Variants in MRAP2 observed in about 807,000 individuals in gnomAD.
The protein encoded by MRAP2 is melanocortin 2 receptor accessory protein 2, also known as melanocortin-2 receptor accessory protein 2.
In MRAP2, 20 loss-of-function variants were observed where a neutral mutation model predicts 17.4. The observed-to-expected ratio is 1.15, with a 90% CI of 0.81 to 1.67. The LOEUF is 1.67. Ranked by LOEUF, MRAP2 falls within the 40% of genes most tolerant of loss-of-function variation. The pLI, the probability that MRAP2 is intolerant of heterozygous loss-of-function variation, is 0.00. For missense variants in MRAP2, 238 were observed against 240.0 expected (o/e 0.99, Z 0.05); for synonymous variants, 96 against 88.4 (o/e 1.09, Z -0.48).
At chr6:84,052,283 G>A (rs960847955) in intron 1 of MRAP2, among the ~76,000 whole-genome samples, 3 of 152,176 alleles carry the variant, frequency 2.0e-5, no homozygotes, top group Non-Finnish European at 4.4e-5. Context: ...CTGCCGGCCT[G>A]TCAGCACCCC....
intron 1 of MRAP2, chr6:84,052,793 T>C: frequency 1.0e-6 from 1 of 985,238 alleles, no homozygotes; most frequent in South Asian, 4.7e-5. Context: ...CTGGCTCTGG[T>C]ATTCACTCAT....
chr6:84,134,024 C>A, the MRAP2 span, among the ~76,000 whole-genome samples: 1 of 152,174 alleles, frequency 6.6e-6, no homozygotes, highest in East Asian at 1.9e-4. Context: ...AAGACCCTGA[C>A]TGGGGCTGCT....
At chr6:84,113,864 G>T in the MRAP2 span, among the ~76,000 whole-genome samples, 1 of 152,202 alleles carries the variant, frequency 6.6e-6, no homozygotes, top group African/African-American at 2.4e-5. Flanking sequence ...GGCTAGAAAT[G>T]AAATTCTGGC....
the MRAP2 span, among the ~76,000 whole-genome samples, chr6:84,111,116 T>C: frequency 6.6e-6 from 1 of 152,124 alleles, no homozygotes; most frequent in Non-Finnish European, 1.5e-5. Flanking sequence ...AAATTTAAAG[T>C]ATTTTTTTTT....
intron 1 of MRAP2, among the ~76,000 whole-genome samples, chr6:84,041,765 C>T (rs1406225437): frequency 1.3e-5 from 2 of 152,242 alleles, no homozygotes; most frequent in Non-Finnish European, 2.9e-5. Context: ...TGTATTTACC[C>T]AATGCCTGTA....
the MRAP2 span, among the ~76,000 whole-genome samples, chr6:84,116,349 CTGA>C: frequency 6.6e-6 from 1 of 152,114 alleles, no homozygotes; most frequent in Non-Finnish European, 1.5e-5. Context: ...CTCATGAGAT[CTGA>C]TGGTTTTATA....
At chr6:84,125,161 T>G in the MRAP2 span, 1 of 1,613,614 alleles carries the variant, frequency 6.2e-7, no homozygotes, top group Non-Finnish European at 8.5e-7. Context: ...TAATATTGAG[T>G]CTAGTTCTGT....
intron 3 of MRAP2, among the ~76,000 whole-genome samples, chr6:84,087,282 G>A (rs570084289): frequency 6.6e-6 from 1 of 152,148 alleles, no homozygotes; most frequent in Admixed American, 6.5e-5. Context: ...CTTCCAGGTC[G>A]TAAGTAGATA....
At chr6:84,071,071 A>G (rs2099496082) in intron 3 of MRAP2, among the ~76,000 whole-genome samples, 1 of 151,852 alleles carries the variant, frequency 6.6e-6, no homozygotes, top group Non-Finnish European at 1.5e-5. Flanking sequence ...ATTCAATGTT[A>G]GTATTGGATA....
chr6:84,057,405 T>C (rs17729906), intron 2 of MRAP2, among the ~76,000 whole-genome samples: 23,090 of 152,234 alleles, frequency 0.15, 1,999 homozygotes, highest in Middle Eastern at 0.3. Context: ...TGGATCACAC[T>C]TGGCAACAAT....
the MRAP2 span, among the ~76,000 whole-genome samples, chr6:84,137,011 T>C: frequency 5.9e-5 from 9 of 152,204 alleles, no homozygotes; most frequent in Admixed American, 3.3e-4. Flanking sequence ...AGCATGTTGT[T>C]GTGGGAGCCA....
At chr6:84,112,613 G>A in the MRAP2 span, among the ~76,000 whole-genome samples, 1 of 152,130 alleles carries the variant, frequency 6.6e-6, no homozygotes, top group Non-Finnish European at 1.5e-5. Context: ...CTTCAGTTCT[G>A]ATCTGATCTT....
In MRAP2 at chr6:84,089,130, CT is replaced by C; in HGVS notation, c.270del (p.Phe90LeufsTer69). 1.2e-6 allele frequency: 2 copies of C among 1,614,078 alleles called. No homozygotes were observed. Among genetic ancestry groups the C allele is most frequent in the Non-Finnish European group, 8.5e-7 (1 of 1,180,002 alleles). On this transcript the variant is annotated frameshift_variant, in exon 4 of 4. Coordinates refer to ENST00000257776, the MANE Select transcript of MRAP2 (RefSeq NM_138409.4). LOFTEE classifies it high-confidence loss of function. ...SSEKRFRMNS[F>X]VSDFGRPLEP... ...CAGAGAAGAGATTCAGAATGAACAG[CT>C]TTGTGTCAGACTTTGGAAGACCTCT... is the stretch of plus-strand genomic sequence containing the variant.
At chr6:84,128,672 C>T in the MRAP2 span, among the ~76,000 whole-genome samples, 2 of 152,044 alleles carry the variant, frequency 1.3e-5, no homozygotes, top group African/African-American at 4.8e-5. Flanking sequence ...AAACACTTTG[C>T]ACAGTTCCTA....
In MRAP2 at chr6:84,037,662, T is replaced by A. The variant is rs1045428907; in HGVS notation, c.-8+3779T>A. Among the ~76,000 whole-genome samples, 4 of 152,032 alleles carry A rather than the reference T, an allele frequency of 2.6e-5. No homozygotes were observed. The East Asian group carries it at 7.8e-4, about 30-fold the overall frequency. On this transcript the variant is annotated intron_variant, in intron 1 of 3. Transcript: ENST00000257776. The stretch of plus-strand genomic sequence containing the variant: ...GGCTGAGGCCCGGTGAGAATTTGAG[T>A]GCGGCGCAGGCAGGCTGGCAGTGCT...
chr6:84,043,506 T>G (rs1386006671), intron 1 of MRAP2, among the ~76,000 whole-genome samples: 1 of 152,154 alleles, frequency 6.6e-6, no homozygotes, highest in African/African-American at 2.4e-5. Context: ...TGGAACTGAA[T>G]GGGCAAAAGC....
At chr6:84,097,771 T>C in the MRAP2 span, among the ~76,000 whole-genome samples, 5 of 152,344 alleles carry the variant, frequency 3.3e-5, no homozygotes, top group African/African-American at 1.2e-4. Context: ...ACATTTCACA[T>C]GTCTAGACAT....
intron 1 of MRAP2, among the ~76,000 whole-genome samples, chr6:84,050,139 G>A (rs2099490066): frequency 6.6e-6 from 1 of 152,006 alleles, no homozygotes; most frequent in Non-Finnish European, 1.5e-5. Context: ...TTTAATTGGA[G>A]GAGAGAAAAA....
chr6:84,139,283 T>C, the MRAP2 span, among the ~76,000 whole-genome samples: 1 of 152,212 alleles, frequency 6.6e-6, no homozygotes, highest in Non-Finnish European at 1.5e-5. Flanking sequence ...CCCACCTTTG[T>C]AGCCTAAAAA....
Sources: allele counts gnomAD v4.1 joint callset (sites outside exome capture counted in the v4.1 genomes callset), GRCh38; gene constraint gnomAD v4.1.1; transcripts MANE v1.5; gene names NCBI Gene and HGNC (gene_info 2026-07-23, HGNC 2026-07-21).